Variants in SLC22A4 observed in about 807,000 individuals in gnomAD.
SLC22A4 encodes the protein ET transporter.
In SLC22A4, 39 loss-of-function variants were observed where a neutral mutation model predicts 56.6. The ratio of observed to expected loss-of-function variants is 0.69; its 90% CI spans 0.53 to 0.90. The LOEUF is 0.90. Ranked by LOEUF, SLC22A4 falls within the 40% of genes least tolerant of loss-of-function variation. The probability of loss-of-function intolerance (pLI) is 0.00; values close to 1 mark genes in which losing one functional copy is unlikely to be tolerated. For missense variants in SLC22A4, 594 were observed against 696.5 expected (o/e 0.85, Z 1.66); for synonymous variants, 241 against 281.4 (o/e 0.86, Z 1.44).
chr5:132,342,349 T>C lies in SLC22A4; in HGVS notation c.1581-1411T>C, dbSNP rs75315916. On this transcript the variant is annotated intron_variant, in intron 9 of 9. Coordinates refer to ENST00000200652, the MANE Select transcript of SLC22A4 (RefSeq NM_003059.3). Reference sequence around the variant, plus strand: ...AGAAGTCACTTCAGTGTCCAATATATACATGAAAAAAGTTATTTGTCCACA... The same window carrying C: ...AGAAGTCACTTCAGTGTCCAATATACACATGAAAAAAGTTATTTGTCCACA... Among the ~76,000 whole-genome samples the C allele has an allele frequency of 6.1e-3, 925 of 152,282 alleles. 7 individuals are homozygous for C. The highest frequency in any genetic ancestry group is 0.02 in the African/African-American group (833 of 41,550).
Position 132,340,572 on chromosome 5 carries a change from C to CCCTT in SLC22A4, c.1452_1453insCCTT (p.Asn485ProfsTer2). ...ATGTCCCGGGCTTTACAGGTGCTTA[C>CCCTT]AACAGAATGCTGCCCTACATCGTCA... On this transcript the variant is annotated frameshift_variant, in exon 9 of 10. Coordinates refer to ENST00000200652, the MANE Select transcript of SLC22A4 (RefSeq NM_003059.3). LOFTEE classifies it high-confidence loss of function. 1 of 1,613,972 alleles carries CCCTT rather than the reference C, an allele frequency of 6.2e-7. No homozygotes were observed. The highest frequency in any genetic ancestry group is 1.1e-5 in the South Asian group (1 of 91,082).
In SLC22A4 at chr5:132,322,185, A is replaced by G. The variant is rs966793984; in HGVS notation, c.654A>G (p.Gly218=). ...ATACTCCTCCCTTGTTTTGAACAGG[A>G]ACAGAAATTCTTGGCAAGTCAGTTC... ...ISNYVVAFIL[G]TEILGKSVRI... The change falls in exon 4 of 10, where the codon GGA becomes GGG. Residue 218 remains glycine, a splice_region_variant and synonymous_variant. Transcript: ENST00000200652. The G allele has an allele frequency of 1.2e-6, 2 of 1,612,930 alleles. No homozygotes were observed. The highest frequency in any genetic ancestry group is 2.2e-5 in the South Asian group (2 of 91,050).
intron 1 of SLC22A4, among the ~76,000 whole-genome samples, chr5:132,297,574 G>A (rs1749808450): frequency 1.3e-5 from 2 of 151,960 alleles, no homozygotes. Flanking sequence ...GGGGGTACAA[G>A]CGATGAAAAG....
intron 9 of SLC22A4, 139 bp from the exon 10 acceptor site, chr5:132,343,621 C>T: frequency 1.5e-6 from 1 of 645,920 alleles, no homozygotes; most frequent in South Asian, 1.9e-5. Context: ...TAGATCTACA[C>T]CATGAGGTTC....
chr5:132,324,998 T>C (rs1468298229), intron 4 of SLC22A4, among the ~76,000 whole-genome samples: 2 of 152,174 alleles, frequency 1.3e-5, no homozygotes, highest in Non-Finnish European at 2.9e-5. Context: ...CAAGTTTCCT[T>C]TAAAAGGCTT....
At chr5:132,328,828 TATATATATATACAC>T (rs1213466268) in intron 5 of SLC22A4, among the ~76,000 whole-genome samples, 12 of 18,472 alleles carry the variant, frequency 6.5e-4, no homozygotes, top group African/African-American at 2.2e-3. Flanking sequence ...TGCCTTTATA[TATATATATATACAC>T]ACACACACAC....
intron 9 of SLC22A4, 47 bp downstream of exon 9, chr5:132,340,747 A>G (rs772850637): frequency 2.3e-5 from 36 of 1,560,918 alleles, no homozygotes; most frequent in Non-Finnish European, 3.0e-5. Flanking sequence ...CTTAGGGAGA[A>G]TAAGCATGGA....
Position 132,294,842 on chromosome 5 carries a change from G to T in SLC22A4, c.226G>T (p.Glu76Ter). 1.2e-6 allele frequency: 2 copies of T among 1,609,666 alleles called. No homozygotes were observed. ...CCCGCTGCGGCTGCGGGACGGCCGC[G>T]AGGTGCCCCACAGCTGCAGCCGCTA... ...SVPLRLRDGR[E>*]VPHSCSRYRL... Residue 76 changes from glutamate to a stop codon, truncating the protein, a stop_gained, in exon 1 of 10, where the codon GAG becomes TAG. Transcript: ENST00000200652. LOFTEE classifies it high-confidence loss of function. This position sits in a 1 kb window ranked among gnomAD's most constrained non-coding sequence, Gnocchi z 5.6.
intron 3 of SLC22A4, among the ~76,000 whole-genome samples, chr5:132,314,951 C>T (rs555594814): frequency 5.3e-5 from 8 of 152,092 alleles, no homozygotes; most frequent in East Asian, 1.9e-4. Context: ...CAGGCCCCAG[C>T]GGGAGGAGGC....
intron 4 of SLC22A4, 150 bp downstream of exon 4, chr5:132,322,505 A>T: frequency 1.4e-6 from 1 of 733,802 alleles, no homozygotes; most frequent in Middle Eastern, 3.7e-4. Context: ...TTTTTGCCTC[A>T]TTGTGGGTGG....
chr5:132,329,532 G>C (rs941644736), intron 5 of SLC22A4, among the ~76,000 whole-genome samples: 2 of 151,814 alleles, frequency 1.3e-5, no homozygotes, highest in African/African-American at 2.4e-5. Context: ...ACTTGCCCAG[G>C]ATCACACAGA....
chr5:132,301,764 CT>C (rs1749912860), intron 1 of SLC22A4, among the ~76,000 whole-genome samples: 1 of 152,234 alleles, frequency 6.6e-6, no homozygotes, highest in Non-Finnish European at 1.5e-5. Flanking sequence ...TGCACCTCCC[CT>C]GGGGTCTGGG....
chr5:132,331,806 G>A lies in SLC22A4; in HGVS notation c.1002G>A (p.Arg334=), dbSNP rs367863918. The change falls in exon 6 of 10, where the codon AGG becomes AGA. Residue 334 remains arginine, a synonymous_variant. Coordinates refer to ENST00000200652, the MANE Select transcript of SLC22A4 (RefSeq NM_003059.3). ...QQKAFILDLF[R]TRNIAIMTIM... ...AAGCTTTCATTCTGGACCTGTTCAGGACTCGGAATATTGCCATAATGACCA... is the reference window on the plus strand; with the variant it reads ...AAGCTTTCATTCTGGACCTGTTCAGAACTCGGAATATTGCCATAATGACCA... 1.1e-5 allele frequency: 17 copies of A among 1,613,726 alleles called. No homozygotes were observed. The South Asian group carries it at 1.4e-4, about 14-fold the overall frequency.
intron 1 of SLC22A4, among the ~76,000 whole-genome samples, chr5:132,306,760 T>A (rs1281364854): frequency 6.6e-6 from 1 of 152,000 alleles, no homozygotes; most frequent in Non-Finnish European, 1.5e-5. Context: ...CCATGGCATA[T>A]TATTAAACCA....
chr5:132,324,132 C>T (rs1380691067), intron 4 of SLC22A4, among the ~76,000 whole-genome samples: 1 of 152,036 alleles, frequency 6.6e-6, no homozygotes, highest in Non-Finnish European at 1.5e-5. Context: ...TTCAAGATTA[C>T]AGTGCGCTAT....
chr5:132,343,507 C>T (rs73787149), intron 9 of SLC22A4, among the ~76,000 whole-genome samples: 1 of 152,052 alleles, frequency 6.6e-6, no homozygotes, highest in East Asian at 1.9e-4. Flanking sequence ...GAATTTCATG[C>T]CTCCCTCTCT....
At chr5:132,340,427 G>C in intron 8 of SLC22A4, 138 bp from the exon 9 acceptor site, 1 of 833,686 alleles carries the variant, frequency 1.2e-6, no homozygotes. Context: ...CTGATATTTT[G>C]CTTACTTTTT....
intron 3 of SLC22A4, among the ~76,000 whole-genome samples, chr5:132,315,209 A>G (rs1411099722): frequency 3.3e-5 from 5 of 152,104 alleles, no homozygotes; most frequent in Non-Finnish European, 7.4e-5. Context: ...AAAACCCAAC[A>G]TGTGGCTCTG....
At chr5:132,304,199 C>G (rs1340112242) in intron 1 of SLC22A4, among the ~76,000 whole-genome samples, 1 of 152,234 alleles carries the variant, frequency 6.6e-6, no homozygotes, top group Non-Finnish European at 1.5e-5. Flanking sequence ...AGAGGCTTGA[C>G]GTCAACTGGA....
Sources: allele counts gnomAD v4.1 joint callset (sites outside exome capture counted in the v4.1 genomes callset), GRCh38; gene constraint gnomAD v4.1.1; non-coding constraint Gnocchi (gnomAD v3.1); transcripts MANE v1.5; gene names NCBI Gene and HGNC (gene_info 2026-07-23, HGNC 2026-07-21).